The following ALDH2 variants were observed in gnomAD, a reference collection of about 807,000 sequenced individuals.
ALDH2 encodes aldehyde dehydrogenase, mitochondrial.
ALDH2 carries 44 observed loss-of-function variants against 59.6 expected under a neutral mutation model. That is an observed-to-expected ratio of 0.74 (90% CI 0.58 to 0.95). The LOEUF (loss-of-function observed/expected upper bound fraction) is 0.95, where lower values mean the gene tolerates loss of function less well. Among genes scored for constraint, ALDH2 ranks in the 40% least tolerant of loss-of-function variants. The pLI is 0.00. For synonymous variants in ALDH2, 291 were observed against 284.0 expected (o/e 1.02, Z -0.25); for missense variants, 570 against 696.3 (o/e 0.82, Z 2.04).
intron 9 of ALDH2, 101 bp downstream of exon 9, chr12:111,792,883 C>T: frequency 7.9e-7 from 1 of 1,269,214 alleles, no homozygotes; most frequent in Non-Finnish European, 1.1e-6. Context: ...CAGGTCTCAG[C>T]TCTACCACAC....
intron 12 of ALDH2, among the ~76,000 whole-genome samples, chr12:111,805,048 A>T (rs1287596664): frequency 6.6e-6 from 1 of 152,146 alleles, no homozygotes; most frequent in Admixed American, 6.6e-5. Flanking sequence ...GGAACACCCC[A>T]ATCAAGGAGT....
At chr12:111,778,928 G>A (rs534368090) in intron 1 of ALDH2, among the ~76,000 whole-genome samples, 3 of 151,450 alleles carry the variant, frequency 2.0e-5, no homozygotes, top group Non-Finnish European at 2.9e-5. Flanking sequence ...ATGCAATCAC[G>A]GCTTACTGCA....
At chr12:111,775,479 T>A in intron 1 of ALDH2, 1 of 359,260 alleles carries the variant, frequency 2.8e-6, no homozygotes, top group Non-Finnish European at 5.5e-6. Context: ...GCCAGGGCTG[T>A]CAGTGAAAGC....
rs902490947 is a variant in ALDH2 at position 111,779,719 on chromosome 12, C to T, written c.115-2199C>T. Among the ~76,000 whole-genome samples the T allele has an allele frequency of 7.2e-5, 11 of 152,318 alleles. 1 individual carries two copies. Among genetic ancestry groups the T allele is most frequent in the East Asian group, 3.9e-4 (2 of 5,190 alleles). The stretch of plus-strand genomic sequence containing the variant: ...AGAGAGGCAGATGTCTTTGCCTTCA[C>T]GTCACCTGTAGCCTTTGCCTCAGCA... On this transcript the variant is annotated intron_variant, in intron 1 of 12. Transcript: ENST00000261733.
Position 111,790,643 on chromosome 12 carries a change from G to A in ALDH2, c.681+81G>A, listed in dbSNP as rs1593078844. Reference sequence around the variant, plus strand: ...AAGGAGTTCTGAGAAGGGTCTCAGGGGTCCCTAAACAGGGAGGTGTGTTTG... The same window carrying A: ...AAGGAGTTCTGAGAAGGGTCTCAGGAGTCCCTAAACAGGGAGGTGTGTTTG... On this transcript the variant is annotated intron_variant, in intron 6 of 12. Transcript: ENST00000261733. 3.2e-6 allele frequency: 5 copies of A among 1,575,190 alleles called. No homozygotes were observed. The East Asian group carries it at 1.1e-4, about 35-fold the overall frequency.
chr12:111,797,941 G>T, intron 9 of ALDH2, 137 bp from the exon 10 acceptor site: 1 of 1,022,388 alleles, frequency 9.8e-7, no homozygotes. Flanking sequence ...GGCCCTGTGT[G>T]TTTCCTCTTC....
rs2068436748 is a variant in ALDH2, at chr12:111,799,947, A to G, written c.1290A>G (p.Ile430Met). The G allele has an allele frequency of 6.2e-7, 1 of 1,614,100 alleles. No individual in the cohort carries two copies. Among genetic ancestry groups the G allele is most frequent in the Non-Finnish European group, 8.5e-7 (1 of 1,180,016 alleles). The change falls in exon 11 of 13, where the codon ATA (isoleucine) becomes ATG (methionine). Residue 430 changes from isoleucine to methionine, a missense_variant. Transcript: ENST00000261733. ...TGCAGATCCTGAAGTTCAAGACCAT[A>G]GAGGAGGTTGTTGGGAGAGCCAACA... is the stretch of plus-strand genomic sequence containing the variant. ...PVMQILKFKT[I>M]EEVVGRANNS...
At chr12:111,780,301 C>G (rs575427890) in intron 1 of ALDH2, among the ~76,000 whole-genome samples, 1 of 152,196 alleles carries the variant, frequency 6.6e-6, no homozygotes, top group Non-Finnish European at 1.5e-5. Flanking sequence ...GTCTTTCCCC[C>G]AGATGTGGCT....
intron 11 of ALDH2, among the ~76,000 whole-genome samples, chr12:111,803,187 A>C (rs2068467828): frequency 6.6e-6 from 1 of 151,492 alleles, no homozygotes; most frequent in East Asian, 1.9e-4. Flanking sequence ...TCCATCTCAA[A>C]AAATAATCTC....
chr12:111,803,802 G>T, intron 11 of ALDH2, 57 bp from the exon 12 acceptor site: 1 of 1,291,300 alleles, frequency 7.7e-7, no homozygotes, highest in Non-Finnish European at 1.1e-6. Flanking sequence ...AGGGGGTCCT[G>T]GGAGTGTAAC....
At chr12:111,803,766 A>T in intron 11 of ALDH2, 93 bp from the exon 12 acceptor site, 1 of 825,218 alleles carries the variant, frequency 1.2e-6, no homozygotes, top group Non-Finnish European at 1.7e-6. Flanking sequence ...TAAGTTAAAA[A>T]TAAAATAAAG....
intron 1 of ALDH2, among the ~76,000 whole-genome samples, chr12:111,771,088 C>T (rs1485792925): frequency 3.9e-5 from 6 of 152,034 alleles, no homozygotes; most frequent in Non-Finnish European, 5.9e-5. Context: ...AGAGAACTGA[C>T]AGGCAATTAA....
chr12:111,779,614 G>A (rs1352624178), intron 1 of ALDH2, among the ~76,000 whole-genome samples: 4 of 152,240 alleles, frequency 2.6e-5, no homozygotes, highest in Non-Finnish European at 5.9e-5. Context: ...GAGTGACCAT[G>A]GATGTCTCAC....
intron 10 of ALDH2, among the ~76,000 whole-genome samples, chr12:111,798,695 T>G (rs1488432357): frequency 6.6e-6 from 1 of 152,048 alleles, no homozygotes; most frequent in Non-Finnish European, 1.5e-5. Flanking sequence ...CCACCATGCC[T>G]GGCTAATTTT....
intron 1 of ALDH2, among the ~76,000 whole-genome samples, chr12:111,771,826 C>T (rs1370667535): frequency 1.3e-5 from 2 of 152,072 alleles, no homozygotes; most frequent in African/African-American, 2.4e-5. Context: ...TGGCCAGGCA[C>T]GGTGGCTCAC....
intron 6 of ALDH2, among the ~76,000 whole-genome samples, chr12:111,790,814 G>A (rs775528333): frequency 1.1e-4 from 17 of 152,140 alleles, no homozygotes; most frequent in Non-Finnish European, 1.3e-4. Flanking sequence ...CAGCACTTTG[G>A]GTGGCCAAAG....
chr12:111,787,479 T>C lies in ALDH2; in HGVS notation c.440+2133T>C, dbSNP rs193200096. Among the ~76,000 whole-genome samples, 190 of 152,292 alleles carry C rather than the reference T, an allele frequency of 1.2e-3. 1 individual carries two copies. Among genetic ancestry groups the C allele is most frequent in the African/African-American group, 4.3e-3 (177 of 41,566 alleles). On this transcript the variant is annotated intron_variant, in intron 4 of 12. Transcript: ENST00000261733. Reference sequence around the variant, plus strand: ...GAGGGAGGACCCTGAGTGGCTGGCCTTGGTTCTGGCCAGCTGTGGCCAAGG... The same window carrying C: ...GAGGGAGGACCCTGAGTGGCTGGCCCTGGTTCTGGCCAGCTGTGGCCAAGG...
At chr12:111,792,450 C>A in intron 8 of ALDH2, 148 bp from the exon 9 acceptor site, 1 of 964,948 alleles carries the variant, frequency 1.0e-6, no homozygotes, top group Non-Finnish European at 1.5e-6. Context: ...GCTCCGAGAG[C>A]ACCCCTCATC....
chr12:111,802,775 G>C (rs1412446789), intron 11 of ALDH2, among the ~76,000 whole-genome samples: 2 of 151,104 alleles, frequency 1.3e-5, no homozygotes, highest in East Asian at 3.9e-4. Flanking sequence ...AGCTACTCGG[G>C]AGGCTGAGGC....
Sources: allele counts gnomAD v4.1 joint callset (sites outside exome capture counted in the v4.1 genomes callset), GRCh38; gene constraint gnomAD v4.1.1; transcripts MANE v1.5; gene names NCBI Gene and HGNC (gene_info 2026-07-23, HGNC 2026-07-21).